The following CPNE1 variants were observed in gnomAD, a reference collection of about 807,000 sequenced individuals.
CPNE1 encodes the protein copine-1.
A neutral mutation model predicts 63.2 loss-of-function variants in CPNE1; 58 were observed. The ratio of observed to expected loss-of-function variants is 0.92; its 90% CI spans 0.74 to 1.14. CPNE1 has a LOEUF of 1.14. Among genes scored for constraint, CPNE1 ranks in the 50% most tolerant of loss-of-function variants. The probability of loss-of-function intolerance (pLI) is 0.00; values close to 1 mark genes in which losing one functional copy is unlikely to be tolerated. For missense variants in CPNE1, 672 were observed against 661.7 expected (o/e 1.02, Z -0.17); for synonymous variants, 237 against 249.0 (o/e 0.95, Z 0.45).
At chr20:35,641,807 T>C (rs765832122) in intron 1 of CPNE1, among the ~76,000 whole-genome samples, 2 of 152,210 alleles carry the variant, frequency 1.3e-5, no homozygotes, top group Non-Finnish European at 1.5e-5. Flanking sequence ...CTCTTCAGAA[T>C]AAACACTGTT....
At chr20:35,650,608 G>T (rs2146335923) in intron 1 of CPNE1, 2 of 152,668 alleles carry the variant, frequency 1.3e-5, no homozygotes, top group East Asian at 3.9e-4. Flanking sequence ...CTAGTGATCG[G>T]TCAAAGCAAA....
In CPNE1 at chr20:35,631,298, G is replaced by A. The variant is rs900544414; in HGVS notation, c.771C>T (p.Asn257=). ...AAATCTTGACACGGATAGTTCCAGA[G>A]TTCTTGTAGCTTTTCTTTTTCTGCT... The part of the protein sequence containing the change: ...EKQQKKKSYK[N]SGTIRVKICR... Residue 257 remains asparagine, a synonymous_variant, in exon 9 of 16, where the codon AAC becomes AAT. Transcript: ENST00000397443. 5.6e-6 allele frequency: 9 copies of A among 1,614,104 alleles called. No individual in the cohort carries two copies. The highest frequency in any genetic ancestry group is 7.6e-6 in the Non-Finnish European group (9 of 1,180,042).
At chr20:35,652,537 A>C (rs1284136531) in intron 1 of CPNE1, 1 of 1,610,746 alleles carries the variant, frequency 6.2e-7, no homozygotes, top group Non-Finnish European at 8.5e-7. Context: ...CCCTAATACA[A>C]GTTTTACTTT....
chr20:35,641,586 T>C (rs1000535882), intron 1 of CPNE1, among the ~76,000 whole-genome samples: 6 of 152,220 alleles, frequency 3.9e-5, no homozygotes, highest in African/African-American at 1.4e-4. Flanking sequence ...ATAAATAATG[T>C]ATGCATGATG....
rs113281724 is a variant in CPNE1 at position 35,630,221 on chromosome 20, T to C, written c.1102+218A>G. Among the ~76,000 whole-genome samples, 820 of 152,252 alleles carry C rather than the reference T, an allele frequency of 5.4e-3. 18 individuals carry two copies. The highest frequency in any genetic ancestry group is 0.019 in the African/African-American group (775 of 41,558). On this transcript the variant is annotated intron_variant, in intron 13 of 15. Coordinates refer to ENST00000397443, the MANE Select transcript of CPNE1 (RefSeq NM_152925.3). Reference sequence around the variant, plus strand: ...AGGCAGAAGAATTGCTCGAACCCAGTAGGCAGAGGTTGCAAGTGAGCTAAG... The same window carrying C: ...AGGCAGAAGAATTGCTCGAACCCAGCAGGCAGAGGTTGCAAGTGAGCTAAG...
At chr20:35,633,592 C>T (rs1247910821) in intron 1 of CPNE1, among the ~76,000 whole-genome samples, 1 of 152,164 alleles carries the variant, frequency 6.6e-6, no homozygotes, top group Non-Finnish European at 1.5e-5. Flanking sequence ...ATGCTGTCTC[C>T]ACCTCCGTTC....
chr20:35,637,237 T>G (rs1261121854), intron 1 of CPNE1, among the ~76,000 whole-genome samples: 1 of 152,002 alleles, frequency 6.6e-6, no homozygotes, highest in Non-Finnish European at 1.5e-5. Context: ...CACCTGGTCA[T>G]CCCAGATGCC....
intron 1 of CPNE1, among the ~76,000 whole-genome samples, chr20:35,636,483 T>C (rs1346354686): frequency 6.6e-6 from 1 of 152,206 alleles, no homozygotes; most frequent in East Asian, 1.9e-4. Flanking sequence ...GCCAGAACTA[T>C]ATTATATTGG....
At chr20:35,664,047 C>CA (rs2146391966) in intron 1 of CPNE1, among the ~76,000 whole-genome samples, 1 of 152,326 alleles carries the variant, frequency 6.6e-6, no homozygotes, top group African/African-American at 2.4e-5. Flanking sequence ...CTACAATTCT[C>CA]AGAGCCTCAG....
intron 1 of CPNE1, among the ~76,000 whole-genome samples, chr20:35,646,213 CCACTGCACT>C: frequency 7.2e-6 from 1 of 139,822 alleles, no homozygotes. Context: ...GCTGACTGTA[CCACTGCACT>C]CCAGCCTGGG....
At chr20:35,653,147 T>C (rs1331830694) in intron 1 of CPNE1, 1 of 1,613,592 alleles carries the variant, frequency 6.2e-7, no homozygotes, top group Non-Finnish European at 8.5e-7. Flanking sequence ...CCACCAAAAT[T>C]ACCAGGAAAG....
At chr20:35,656,085 C>T (rs1303138563) in intron 1 of CPNE1, among the ~76,000 whole-genome samples, 1 of 152,126 alleles carries the variant, frequency 6.6e-6, no homozygotes, top group Non-Finnish European at 1.5e-5. Context: ...ATTCATTACC[C>T]CCAAAAGTAG....
At position 35,654,637 on chromosome 20, in the gene CPNE1, A is replaced by G. The variant is rs143201084; in HGVS notation, c.-1+10123T>C. 107 of 1,614,084 alleles carry G rather than the reference A, an allele frequency of 6.6e-5. No individual in the cohort carries two copies. In the African/African-American group the frequency reaches 8.7e-4, roughly 13 times the overall value. On this transcript the variant is annotated intron_variant, in intron 1 of 15. Transcript: ENST00000397443. ...TGGGGTCATGGGTGGCACAGAAGGA[A>G]CTGGGGGAATCGGGGGCACAGGAGG...
At chr20:35,631,389 TCA>T (rs746070745) in intron 8 of CPNE1, 35 bp from the exon 9 acceptor site, 2 of 1,610,046 alleles carry the variant, frequency 1.2e-6, no homozygotes, top group South Asian at 2.2e-5. Flanking sequence ...TAGGAAATTC[TCA>T]GAGCATCAGT....
In CPNE1 at chr20:35,631,788, A is replaced by T. The variant is rs1421263051; in HGVS notation, c.538-11T>A. The T allele has an allele frequency of 6.2e-7, 1 of 1,611,190 alleles. No homozygotes were observed. The highest frequency in any genetic ancestry group is 8.5e-7 in the Non-Finnish European group (1 of 1,177,826). On this transcript the variant is annotated splice_polypyrimidine_tract_variant and intron_variant, in intron 6 of 15. Coordinates refer to ENST00000397443, the MANE Select transcript of CPNE1 (RefSeq NM_152925.3). Reference sequence around the variant, plus strand: ...GTTGTTCTTGATGACCTGAAGGTGGAGGCCAAGGCCTCCAGTGAGCTCTGG... The same window carrying T: ...GTTGTTCTTGATGACCTGAAGGTGGTGGCCAAGGCCTCCAGTGAGCTCTGG...
chr20:35,632,446 C>T, intron 3 of CPNE1, 61 bp from the exon 4 acceptor site: 1 of 1,603,706 alleles, frequency 6.2e-7, no homozygotes, highest in South Asian at 1.1e-5. Context: ...CTGCTTGCCC[C>T]CTACCTCCAG....
intron 1 of CPNE1, chr20:35,647,257 T>C (rs1015373122): frequency 2.2e-5 from 3 of 138,598 alleles, no homozygotes; most frequent in African/African-American, 8.4e-5. Context: ...GAGGTTGCAG[T>C]GAGCTGAGAT....
rs374336290 is a variant in CPNE1, at chr20:35,626,201, G to A, written c.*40C>T. The A allele has an allele frequency of 3.2e-5, 52 of 1,611,584 alleles. No individual in the cohort carries two copies. In the Middle Eastern group the frequency reaches 4.9e-4, roughly 15 times the overall value. ...GGGTTGTGGCCCAGAGGGACCTCTG[G>A]GACACAGGATTGAGGACTTGCCACA... is the stretch of plus-strand genomic sequence containing the variant. On this transcript the variant is annotated 3_prime_UTR_variant, in exon 16 of 16. Transcript: ENST00000397443.
intron 1 of CPNE1, among the ~76,000 whole-genome samples, chr20:35,639,542 G>A (rs1464390413): frequency 2.0e-5 from 3 of 152,268 alleles, no homozygotes; most frequent in African/African-American, 7.2e-5. Context: ...CACCATGTTG[G>A]CTAGGCTGGT....
Sources: gnomAD v4.1 joint callset for allele counts (sites outside exome capture counted in the v4.1 genomes callset) on GRCh38, gnomAD v4.1.1 for gene constraint, MANE v1.5 for transcripts, NCBI Gene and HGNC (gene_info 2026-07-23, HGNC 2026-07-21) for gene names.